The following SPMIP2 variants were observed in gnomAD, a reference collection of about 807,000 sequenced individuals.
The protein encoded by SPMIP2 is sperm microtubule inner protein 2.
chr4:159,068,138 G>A, the SPMIP2 span, among the ~76,000 whole-genome samples: 1 of 152,164 alleles, frequency 6.6e-6, no homozygotes, highest in South Asian at 2.1e-4. Flanking sequence ...AATAGCATTT[G>A]ACCCAGCCAT....
chr4:159,034,796 C>T, the SPMIP2 span, among the ~76,000 whole-genome samples: 1 of 152,074 alleles, frequency 6.6e-6, no homozygotes, highest in Non-Finnish European at 1.5e-5. Flanking sequence ...GAAGCTGAGG[C>T]TGGAGAATCT....
chr4:159,072,585 C>A, the SPMIP2 span, among the ~76,000 whole-genome samples: 11 of 151,550 alleles, frequency 7.3e-5, no homozygotes, highest in African/African-American at 2.2e-4. Flanking sequence ...GCCTCAGCTC[C>A]CCGAGCAGCT....
At chr4:158,968,083 G>A in the SPMIP2 span, among the ~76,000 whole-genome samples, 4 of 152,082 alleles carry the variant, frequency 2.6e-5, 1 homozygote, top group Non-Finnish European at 5.9e-5. Flanking sequence ...AGGCTGGAAC[G>A]CAGTGGCGCG....
the SPMIP2 span, among the ~76,000 whole-genome samples, chr4:158,928,182 G>T: frequency 6.6e-6 from 1 of 152,210 alleles, no homozygotes; most frequent in Non-Finnish European, 1.5e-5. Context: ...TGGTGGGGAT[G>T]TGGAGAACCT....
the SPMIP2 span, among the ~76,000 whole-genome samples, chr4:159,034,644 A>G: frequency 2.6e-5 from 4 of 152,204 alleles, no homozygotes; most frequent in South Asian, 4.1e-4. Context: ...TAATCCCAGC[A>G]CTTTGGGAGG....
chr4:159,058,864 T>G, the SPMIP2 span, among the ~76,000 whole-genome samples: 1 of 152,208 alleles, frequency 6.6e-6, no homozygotes, highest in African/African-American at 2.4e-5. Context: ...AGCACTTTCA[T>G]ACCCATTATC....
At chr4:158,979,044 C>A in the SPMIP2 span, among the ~76,000 whole-genome samples, 1 of 152,150 alleles carries the variant, frequency 6.6e-6, no homozygotes, top group Non-Finnish European at 1.5e-5. Context: ...GGGGGTGCTG[C>A]CTTTCTTTTA....
the SPMIP2 span, among the ~76,000 whole-genome samples, chr4:158,963,760 G>A: frequency 1.3e-5 from 2 of 152,176 alleles, no homozygotes; most frequent in Non-Finnish European, 2.9e-5. Flanking sequence ...GTGGGCCTAA[G>A]CTAATCAGGA....
At chr4:159,044,354 T>C in the SPMIP2 span, among the ~76,000 whole-genome samples, 1 of 130,020 alleles carries the variant, frequency 7.7e-6, no homozygotes, top group African/African-American at 3.1e-5. Context: ...GGGTGACAGA[T>C]TGAGACTCCA....
At chr4:158,922,405 C>T in the SPMIP2 span, among the ~76,000 whole-genome samples, 1 of 152,312 alleles carries the variant, frequency 6.6e-6, no homozygotes, top group African/African-American at 2.4e-5. Flanking sequence ...TGCCAGGCTG[C>T]ACCTAGTGGC....
At chr4:158,947,399 C>T in the SPMIP2 span, among the ~76,000 whole-genome samples, 1 of 152,146 alleles carries the variant, frequency 6.6e-6, no homozygotes, top group African/African-American at 2.4e-5. Context: ...CTACACACCA[C>T]CCAACTAACA....
chr4:159,052,961 T>A, the SPMIP2 span, among the ~76,000 whole-genome samples: 4,322 of 105,398 alleles, frequency 0.041, 77 homozygotes, highest in African/African-American at 0.067. Context: ...TATTATTTTT[T>A]TTTTTTTTTT....
chr4:158,917,783 G>A, the SPMIP2 span, among the ~76,000 whole-genome samples: 12 of 135,100 alleles, frequency 8.9e-5, no homozygotes, highest in South Asian at 2.1e-3. Flanking sequence ...GTGCAATGGC[G>A]TGATCTCAGC....
the SPMIP2 span, among the ~76,000 whole-genome samples, chr4:158,961,091 C>T: frequency 6.6e-6 from 1 of 152,050 alleles, no homozygotes; most frequent in Non-Finnish European, 1.5e-5. Flanking sequence ...ATTGAGAAGC[C>T]ATGACATAAA....
At chr4:159,041,751 C>A in the SPMIP2 span, among the ~76,000 whole-genome samples, 2 of 152,176 alleles carry the variant, frequency 1.3e-5, no homozygotes, top group African/African-American at 4.8e-5. Flanking sequence ...CTGGTGAAGC[C>A]TTTTTCACTG....
chr4:158,917,292 TG>T, the SPMIP2 span, among the ~76,000 whole-genome samples: 25 of 151,664 alleles, frequency 1.6e-4, no homozygotes, highest in African/African-American at 4.9e-4. Flanking sequence ...CTGGGTGTGG[TG>T]GTGCACGCCT....
chr4:159,069,195 C>T, the SPMIP2 span, among the ~76,000 whole-genome samples: 3 of 151,866 alleles, frequency 2.0e-5, no homozygotes, highest in South Asian at 2.1e-4. Flanking sequence ...CTCAGCTACT[C>T]GGGAGGCTGA....
At chr4:158,964,622 TG>T in the SPMIP2 span, among the ~76,000 whole-genome samples, 1 of 152,116 alleles carries the variant, frequency 6.6e-6, no homozygotes, top group Non-Finnish European at 1.5e-5. Flanking sequence ...ATTCTTTGAC[TG>T]GCTATTTTAG....
chr4:159,066,446 T>G, the SPMIP2 span, among the ~76,000 whole-genome samples: 3 of 152,018 alleles, frequency 2.0e-5, no homozygotes, highest in Non-Finnish European at 4.4e-5. Context: ...AACCAACACC[T>G]CTGCATGAAT....
Sources: allele counts gnomAD v4.1 joint callset (sites outside exome capture counted in the v4.1 genomes callset), GRCh38; gene constraint gnomAD v4.1.1; transcripts MANE v1.5; gene names NCBI Gene and HGNC (gene_info 2026-07-23, HGNC 2026-07-21).